The following RNF6 variants were observed in gnomAD, a reference collection of about 807,000 sequenced individuals.
RNF6 encodes E3 ubiquitin-protein ligase RNF6.
In RNF6, 21 loss-of-function variants were observed where a neutral mutation model predicts 50.1. That is an observed-to-expected ratio of 0.42 (90% CI 0.30 to 0.60). The LOEUF (loss-of-function observed/expected upper bound fraction) is 0.60, where lower values mean the gene tolerates loss of function less well. Ranked by LOEUF, RNF6 falls within the 20% of genes least tolerant of loss-of-function variation. The pLI, the probability that RNF6 is intolerant of heterozygous loss-of-function variation, is 0.20. For synonymous variants in RNF6, 255 were observed against 291.8 expected, an observed-to-expected ratio of 0.87 and a Z score of 1.29; for missense variants, 698 against 838.2, an observed-to-expected ratio of 0.83 and a Z score of 2.07.
rs572161176 is a variant in RNF6 at position 26,142,482 on chromosome 13, T to C, written n.769-10031A>G. Reference sequence around the variant, plus strand: ...AACATGGAGTCAACCTAGGTGTCCATCAGTGGTGGACTGGATAAAGAAAAT... The same window carrying C: ...AACATGGAGTCAACCTAGGTGTCCACCAGTGGTGGACTGGATAAAGAAAAT... On this transcript the variant is annotated intron_variant and non_coding_transcript_variant, in intron 5 of 5. Transcript: ENST00000468480. 5 of 152,286 alleles carry C rather than the reference T, an allele frequency of 3.3e-5. No individual in the cohort carries two copies. In the South Asian group the frequency reaches 1.0e-3, roughly 32 times the overall value. The allele number at this position is 152,286 out of a possible 1,614,324, so 9.4% of individuals were successfully genotyped here.
At chr13:26,205,639 A>G (rs12873948) in intron 5 of RNF6, among the ~76,000 whole-genome samples, 29,918 of 152,256 alleles carry the variant, frequency 0.2, 3,451 homozygotes, top group East Asian at 0.4. Flanking sequence ...TCAGTTGCCA[A>G]GACACAAACA....
chr13:26,133,022 C>T (rs1392924618), intron 5 of RNF6, among the ~76,000 whole-genome samples: 1 of 151,994 alleles, frequency 6.6e-6, no homozygotes, highest in Middle Eastern at 3.2e-3. Context: ...TAGAGAATGC[C>T]TTATTCCAAT....
intron 5 of RNF6, among the ~76,000 whole-genome samples, chr13:26,169,205 C>T (rs7988938): frequency 0.73 from 111,115 of 151,588 alleles, 41,156 homozygotes; most frequent in East Asian, 0.8. Context: ...CACCCCATCC[C>T]CTCCCTGCTT....
At chr13:26,136,925 G>A (rs565159721) in intron 5 of RNF6, among the ~76,000 whole-genome samples, 7 of 152,220 alleles carry the variant, frequency 4.6e-5, no homozygotes, top group South Asian at 2.1e-4. Context: ...CAAGAAAAAC[G>A]GATGAATCTT....
At chr13:26,199,714 A>G (rs1868821900) in intron 5 of RNF6, among the ~76,000 whole-genome samples, 1 of 152,174 alleles carries the variant, frequency 6.6e-6, no homozygotes, top group Admixed American at 6.5e-5. Flanking sequence ...ATAGTAATAC[A>G]ATAAACCAAT....
chr13:26,151,632 T>TTTC (rs1871603669), intron 5 of RNF6, among the ~76,000 whole-genome samples: 1 of 150,914 alleles, frequency 6.6e-6, no homozygotes, highest in Admixed American at 6.6e-5. Context: ...TTTTTTTTTT[T>TTTC]TTGGCAGAGG....
chr13:26,150,318 G>A (rs371001743), intron 5 of RNF6, among the ~76,000 whole-genome samples: 8 of 151,976 alleles, frequency 5.3e-5, no homozygotes, highest in Admixed American at 6.6e-5. Flanking sequence ...TTACAGGATG[G>A]GTTGAAGCTC....
chr13:26,182,630 G>A (rs887668537), intron 5 of RNF6, among the ~76,000 whole-genome samples: 2 of 152,058 alleles, frequency 1.3e-5, no homozygotes, highest in Non-Finnish European at 2.9e-5. Context: ...CTGAGCAACA[G>A]AGAGAAACCA....
chr13:26,165,943 T>C (rs142462549), intron 5 of RNF6, among the ~76,000 whole-genome samples: 85 of 152,176 alleles, frequency 5.6e-4, no homozygotes, highest in African/African-American at 2.0e-3. Context: ...TGGGAAGGCA[T>C]GATTGGTTTT....
At chr13:26,163,139 T>C (rs1220121827) in intron 5 of RNF6, among the ~76,000 whole-genome samples, 3 of 151,136 alleles carry the variant, frequency 2.0e-5, no homozygotes, top group Non-Finnish European at 4.4e-5. Context: ...TGAAACCCTG[T>C]CTCTCTACTA....
intron 5 of RNF6, among the ~76,000 whole-genome samples, chr13:26,139,529 C>G (rs548324680): frequency 6.3e-4 from 96 of 152,234 alleles, no homozygotes; most frequent in African/African-American, 2.3e-3. Flanking sequence ...AAATTAAAAT[C>G]CCACGGATAC....
chr13:26,167,749 A>G (rs1872519581), intron 5 of RNF6, among the ~76,000 whole-genome samples: 1 of 152,222 alleles, frequency 6.6e-6, no homozygotes, highest in Admixed American at 6.5e-5. Flanking sequence ...ACATGCACAC[A>G]TACGCTCATT....
At chr13:26,174,557 A>C (rs953869901) in intron 5 of RNF6, among the ~76,000 whole-genome samples, 1 of 151,904 alleles carries the variant, frequency 6.6e-6, no homozygotes, top group African/African-American at 2.4e-5. Context: ...TCAGAGGCCC[A>C]GAGGCTGAGG....
chr13:26,184,311 G>A (rs1334231059), intron 5 of RNF6, among the ~76,000 whole-genome samples: 1 of 152,022 alleles, frequency 6.6e-6, no homozygotes, highest in East Asian at 1.9e-4. Context: ...GATTACGGGC[G>A]TGAGCCACCG....
intron 5 of RNF6, among the ~76,000 whole-genome samples, chr13:26,200,405 CTTTTTTT>C (rs3030059): frequency 1.6e-4 from 17 of 107,348 alleles, no homozygotes; most frequent in East Asian, 2.8e-4. Context: ...GTTTGAAATT[CTTTTTTT>C]TTTTTTTTTT....
At chr13:26,135,487 C>T (rs1593138297) in intron 5 of RNF6, 1 of 151,920 alleles carries the variant, frequency 6.6e-6, no homozygotes, top group Non-Finnish European at 1.5e-5. Flanking sequence ...CATTGTGGGC[C>T]CAGATGTAAA....
At chr13:26,144,989 G>A (rs149807408) in intron 5 of RNF6, 3 of 152,342 alleles carry the variant, frequency 2.0e-5, no homozygotes, top group Non-Finnish European at 4.4e-5. Flanking sequence ...TTAGTGGAAG[G>A]AAAAGATGAT....
At chr13:26,147,470 T>C (rs928211484) in intron 5 of RNF6, among the ~76,000 whole-genome samples, 6 of 152,192 alleles carry the variant, frequency 3.9e-5, no homozygotes, top group African/African-American at 1.2e-4. Context: ...CTGATACTAA[T>C]GGAGGAAGAG....
intron 5 of RNF6, among the ~76,000 whole-genome samples, chr13:26,181,847 C>A (rs1873258490): frequency 6.6e-6 from 1 of 152,154 alleles, no homozygotes; most frequent in African/African-American, 2.4e-5. Flanking sequence ...AGATAAATTG[C>A]CGTTTTTGCA....
Sources: gnomAD v4.1 joint callset for allele counts (sites outside exome capture counted in the v4.1 genomes callset) on GRCh38, gnomAD v4.1.1 for gene constraint, MANE v1.5 for transcripts, NCBI Gene and HGNC (gene_info 2026-07-23, HGNC 2026-07-21) for gene names.